NCKAP5L: variants seen among roughly 807,000 people sequenced by gnomAD.
NCKAP5L encodes nck-associated protein 5-like.
In NCKAP5L, 54 loss-of-function variants were observed where a neutral mutation model predicts 103.2. That is an observed-to-expected ratio of 0.52 (90% CI 0.42 to 0.66). NCKAP5L has a LOEUF of 0.66. Ranked by LOEUF, NCKAP5L falls within the 30% of genes least tolerant of loss-of-function variation. The pLI is 0.00. For synonymous variants in NCKAP5L, 762 were observed against 748.6 expected (o/e 1.02, Z -0.29); for missense variants, 1,733 against 1,750.6 (o/e 0.99, Z 0.18).
At position 49,793,849 on chromosome 12, in the gene NCKAP5L, G is replaced by C; in HGVS notation, c.3143C>G (p.Pro1048Arg). The C allele has an allele frequency of 6.3e-7, 1 of 1,579,152 alleles. No individual in the cohort carries two copies. The highest frequency in any genetic ancestry group is 8.6e-7 in the Non-Finnish European group (1 of 1,163,070). ...CACCGGCTGGAAATCCCCGTACTCA[G>C]GCTTGGGCTCCCGCCAGCTCTTGGA... ...LPSKSWREPK[P>R]EYGDFQPVSS... The change falls in exon 9 of 13, where the codon CCT becomes CGT. Residue 1048 changes from proline to arginine, a missense_variant. Transcript: ENST00000335999.
In NCKAP5L at chr12:49,802,964, G is replaced by T. The variant is rs1448455127; in HGVS notation, c.225C>A (p.Asn75Lys). ...GGGTGTCTGGGTTACTCACCTTCTG[G>T]TTCAGCAACGCCTGTACCACATGGT... Reference protein sequence around the residue: ...VANHVVQALLNQKDLREECIK... With the variant: ...VANHVVQALLKQKDLREECIK... The change falls in exon 5 of 13, where the codon AAC becomes AAA. Residue 75 changes from asparagine (N) to lysine (K), a missense_variant. Physicochemically the swap from Asn to Lys is moderately conservative, Grantham distance 94 (BLOSUM62 0). Transcript: ENST00000335999. The T allele has an allele frequency of 6.2e-7, 1 of 1,613,988 alleles. No homozygotes were observed. Among genetic ancestry groups the T allele is most frequent in the Non-Finnish European group, 8.5e-7 (1 of 1,179,998 alleles).
intron 1 of NCKAP5L, among the ~76,000 whole-genome samples, chr12:49,818,149 A>G (rs1301665330): frequency 3.9e-5 from 6 of 151,984 alleles, no homozygotes; most frequent in Non-Finnish European, 8.8e-5. Context: ...AAAAAAAACA[A>G]AAAAACCTTA....
At position 49,801,976 on chromosome 12, in the gene NCKAP5L, C is replaced by T. The variant is rs775673274; in HGVS notation, c.232-9G>A. ...CACTCCTCTCGCAGGTCCTGCCGCC[C>T]ACCCCGGGAAGTGCAGGAAGAAGAG... On this transcript the variant is annotated splice_polypyrimidine_tract_variant and intron_variant, in intron 5 of 12. Coordinates refer to ENST00000335999, the MANE Select transcript of NCKAP5L (RefSeq NM_001037806.4). The T allele has an allele frequency of 6.2e-7, 1 of 1,613,522 alleles. No homozygotes were observed. Among genetic ancestry groups the T allele is most frequent in the Non-Finnish European group, 8.5e-7 (1 of 1,179,744 alleles).
At chr12:49,821,217 G>C (rs1011781126) in intron 1 of NCKAP5L, among the ~76,000 whole-genome samples, 1 of 152,170 alleles carries the variant, frequency 6.6e-6, no homozygotes. Flanking sequence ...CAGGAAGTGA[G>C]GTGCTGTCTA....
chr12:49,794,017 G>A (rs781330518), intron 8 of NCKAP5L, 121 bp from the exon 9 acceptor site: 2 of 937,798 alleles, frequency 2.1e-6, no homozygotes, highest in Non-Finnish European at 3.0e-6. Context: ...CCCGGGGAAG[G>A]GGACATGTCG....
chr12:49,826,598 G>A (rs916193708), intron 1 of NCKAP5L, among the ~76,000 whole-genome samples: 1 of 152,196 alleles, frequency 6.6e-6, no homozygotes, highest in African/African-American at 2.4e-5. Context: ...TCACCCATCA[G>A]TGGAACCATT....
intron 6 of NCKAP5L, among the ~76,000 whole-genome samples, chr12:49,801,158 C>T (rs567527749): frequency 3.3e-5 from 5 of 152,300 alleles, no homozygotes; most frequent in South Asian, 4.1e-4. Context: ...AACACGCACA[C>T]CCCCCTCCCC....
chr12:49,823,213 C>T (rs1362690334), intron 1 of NCKAP5L, among the ~76,000 whole-genome samples: 1 of 152,028 alleles, frequency 6.6e-6, no homozygotes, highest in Non-Finnish European at 1.5e-5. Flanking sequence ...GGAAGGGGGA[C>T]AGTCTGGTCA....
intron 6 of NCKAP5L, among the ~76,000 whole-genome samples, chr12:49,800,897 C>A (rs1303292385): frequency 1.3e-5 from 2 of 152,254 alleles, no homozygotes; most frequent in Admixed American, 1.3e-4. Flanking sequence ...GTGGGCTGAG[C>A]TGCTGTGGTT....
chr12:49,793,121 C>T (rs1304030952), intron 10 of NCKAP5L, 135 bp from the exon 11 acceptor site: 1 of 826,962 alleles, frequency 1.2e-6, no homozygotes, highest in Non-Finnish European at 1.8e-6. Flanking sequence ...TTCCACAGCA[C>T]CTGTCCACCA....
At chr12:49,798,517 C>T in intron 6 of NCKAP5L, 54 bp from the exon 7 acceptor site, 1 of 1,427,124 alleles carries the variant, frequency 7.0e-7, no homozygotes, top group Non-Finnish European at 9.6e-7. Context: ...CAGCTCCCTA[C>T]TCCCTCGCAA....
At position 49,792,063 on chromosome 12, in the gene NCKAP5L, G is replaced by C. The variant is rs1182566147; in HGVS notation, c.3793-12C>G. On this transcript the variant is annotated splice_polypyrimidine_tract_variant and intron_variant, in intron 12 of 12. Transcript: ENST00000335999. The surrounding 1 kb of genome is among the most constrained non-coding windows in gnomAD (Gnocchi z 4.5). ...TCCACGGGCAGGGCCTGGGAAAGGAGGGGCAGCTCGGGAGGAAGCTCCTCT... is the reference window on the plus strand; with the variant it reads ...TCCACGGGCAGGGCCTGGGAAAGGACGGGCAGCTCGGGAGGAAGCTCCTCT... 6.6e-7 allele frequency: 1 copy of C among 1,516,824 alleles called. No individual in the cohort carries two copies. The highest frequency in any genetic ancestry group is 2.3e-5 in the East Asian group (1 of 43,716). The allele number at this position is 1,516,824 out of a possible 1,614,324, so 94.0% of individuals were successfully genotyped here. A position where few individuals can be genotyped will look rare whatever the true frequency, so the allele number is the denominator to read the frequency against.
At position 49,791,329 on chromosome 12, in the gene NCKAP5L, T is replaced by TG. The variant is rs1451081829; in HGVS notation, c.*509dup. 1 of 153,478 alleles carries TG rather than the reference T, an allele frequency of 6.5e-6. No individual in the cohort carries two copies. Among genetic ancestry groups the TG allele is most frequent in the Non-Finnish European group, 1.4e-5 (1 of 69,184 alleles). 9.5% of individuals were successfully genotyped at this position (153,478 alleles called of 1,614,324 possible). On this transcript the variant is annotated 3_prime_UTR_variant, in exon 13 of 13. Transcript: ENST00000335999. ...GACGGACGAACAGACCCCAAAGGCA[T>TG]GGGGCAGAGGAGGGCAGCACCATCC... is the stretch of plus-strand genomic sequence containing the variant.
intron 8 of NCKAP5L, 88 bp downstream of exon 8, chr12:49,794,677 C>T: frequency 9.4e-7 from 1 of 1,065,006 alleles, no homozygotes; most frequent in Non-Finnish European, 1.3e-6. Flanking sequence ...CCAGGAAAAG[C>T]AGGCCTAGCT....
chr12:49,824,102 A>G (rs1946389994), intron 1 of NCKAP5L, among the ~76,000 whole-genome samples: 1 of 152,222 alleles, frequency 6.6e-6, no homozygotes, highest in Admixed American at 6.5e-5. Context: ...AGAAAGACCC[A>G]GATATGTGTC....
chr12:49,817,291 GA>G (rs925551323), intron 1 of NCKAP5L, among the ~76,000 whole-genome samples: 2 of 151,156 alleles, frequency 1.3e-5, no homozygotes, highest in Admixed American at 6.6e-5. Context: ...ATAGAAATAG[GA>G]AAAAAAATCC....
chr12:49,796,908 G>A lies in NCKAP5L; in HGVS notation c.952C>T (p.Leu318Phe). The change falls in exon 8 of 13, where the codon CTC becomes TTC. Residue 318 changes from leucine (L) to phenylalanine (F), a missense_variant. By Grantham distance (22) the Leu-to-Phe change is conservative. Coordinates refer to ENST00000335999, the MANE Select transcript of NCKAP5L (RefSeq NM_001037806.4). ...AACTGTCTGCGGGCCAGGGCACCGA[G>A]CAGGGTGTCGGGGCTGGGTGCCTCA... ...PNEAPSPDTLLGALARRQLNL... is the reference protein window; with the variant it reads ...PNEAPSPDTLFGALARRQLNL... 1.2e-6 allele frequency: 2 copies of A among 1,610,062 alleles called. 1 individual carries two copies. Among genetic ancestry groups the A allele is most frequent in the South Asian group, 2.2e-5 (2 of 90,632 alleles).
At chr12:49,793,557 TG>T (rs1945976058) in intron 9 of NCKAP5L, 124 bp from the exon 10 acceptor site, 2 of 1,243,734 alleles carry the variant, frequency 1.6e-6, no homozygotes, top group East Asian at 5.0e-5. Context: ...CCCAGGAGTA[TG>T]GATCTGAGAG....
intron 3 of NCKAP5L, among the ~76,000 whole-genome samples, chr12:49,803,616 C>A (rs1418015337): frequency 1.3e-5 from 2 of 152,066 alleles, no homozygotes; most frequent in Admixed American, 1.3e-4. Flanking sequence ...CCTCTGACCA[C>A]CCCCTTTCCT....
Sources: gnomAD v4.1 joint callset for allele counts (sites outside exome capture counted in the v4.1 genomes callset) on GRCh38, gnomAD v4.1.1 for gene constraint, Gnocchi (gnomAD v3.1) non-coding constraint, MANE v1.5 for transcripts, NCBI Gene and HGNC (gene_info 2026-07-23, HGNC 2026-07-21) for gene names.